The following GRM1 variants were observed in gnomAD, a reference collection of about 807,000 sequenced individuals.
GRM1 encodes the protein glutamate metabotropic receptor 1.
GRM1 carries 33 observed loss-of-function variants against 90.9 expected under a neutral mutation model. The observed-to-expected ratio is 0.36, with a 90% CI of 0.28 to 0.49. The LOEUF (loss-of-function observed/expected upper bound fraction) is 0.49, where lower values mean the gene tolerates loss of function less well. Among genes scored for constraint, GRM1 ranks in the 20% least tolerant of loss-of-function variants. GRM1 has a pLI of 0.99. For synonymous variants in GRM1, 700 were observed against 613.2 expected, an observed-to-expected ratio of 1.14 and a Z score of -2.09; for missense variants, 1,190 against 1,534.3, an observed-to-expected ratio of 0.78 and a Z score of 3.75.
chr6:146,173,985 G>C (rs2128895457), intron 2 of GRM1, among the ~76,000 whole-genome samples: 1 of 152,102 alleles, frequency 6.6e-6, no homozygotes, highest in Admixed American at 6.5e-5. Flanking sequence ...CAGAGTTGTA[G>C]TTTCAGTTAT....
Position 146,262,087 on chromosome 6 carries a change from A to AAC in GRM1, c.951-42523_951-42522insCA, listed in dbSNP as rs1488846023. 4.1e-4 allele frequency among the ~76,000 whole-genome samples: 62 copies of AAC among 151,022 alleles called. 1 individual carries two copies. The highest frequency in any genetic ancestry group is 1.4e-3 in the African/African-American group (59 of 41,300). ...AAAATTCTAGTAGAAAACAAAACAA[A>AAC]AAAAAAAAAAAGAAGGAAAAGACAC... On this transcript the variant is annotated intron_variant, in intron 2 of 7. Coordinates refer to ENST00000282753, the MANE Select transcript of GRM1 (RefSeq NM_001278064.2).
At chr6:146,340,296 C>G (rs797007238) in intron 3 of GRM1, 9 of 152,296 alleles carry the variant, frequency 5.9e-5, no homozygotes, top group African/African-American at 2.2e-4. Context: ...ATTAATACAC[C>G]TATCTTGGTA....
intron 1 of GRM1, among the ~76,000 whole-genome samples, chr6:146,082,278 C>T (rs986312418): frequency 3.3e-5 from 5 of 152,222 alleles, no homozygotes; most frequent in South Asian, 2.1e-4. Flanking sequence ...ATCTCAGCCT[C>T]CCATGTGGCT....
chr6:146,102,244 A>G (rs1449762873), intron 1 of GRM1, among the ~76,000 whole-genome samples: 2 of 152,104 alleles, frequency 1.3e-5, no homozygotes, highest in African/African-American at 4.8e-5. Flanking sequence ...ATCCTTGCTT[A>G]TATGATATCC....
intron 7 of GRM1, among the ~76,000 whole-genome samples, chr6:146,419,632 A>G (rs1382355915): frequency 6.6e-6 from 1 of 152,188 alleles, no homozygotes; most frequent in African/African-American, 2.4e-5. Flanking sequence ...GCTTAACAGG[A>G]ATCACGACTG....
chr6:146,115,890 TA>T (rs376689593), intron 1 of GRM1, among the ~76,000 whole-genome samples: 284 of 152,360 alleles, frequency 1.9e-3, no homozygotes, highest in South Asian at 7.5e-3. Context: ...CTTTGATATT[TA>T]ATGATTGATC....
intron 2 of GRM1, among the ~76,000 whole-genome samples, chr6:146,213,175 A>G (rs1282901651): frequency 2.0e-5 from 3 of 152,150 alleles, no homozygotes; most frequent in Non-Finnish European, 4.4e-5. Context: ...TGGAAAGGGC[A>G]GGAGGAGAGG....
chr6:146,379,930 GTCTCTC>G (rs56732675), intron 5 of GRM1, among the ~76,000 whole-genome samples: 5,808 of 147,508 alleles, frequency 0.039, 339 homozygotes, highest in African/African-American at 0.13. Flanking sequence ...TACAGAGTCT[GTCTCTC>G]TCTCTCTCTC....
intron 1 of GRM1, among the ~76,000 whole-genome samples, chr6:146,036,235 G>T (rs1366203497): frequency 6.6e-6 from 1 of 151,848 alleles, no homozygotes; most frequent in East Asian, 1.9e-4. Flanking sequence ...GAACACAGAG[G>T]GCTGGGGAAC....
intron 2 of GRM1, among the ~76,000 whole-genome samples, chr6:146,172,839 A>G (rs1778187855): frequency 6.6e-6 from 1 of 152,236 alleles, no homozygotes; most frequent in African/African-American, 2.4e-5. Context: ...AAAAATTGAA[A>G]AATGTATAAC....
intron 1 of GRM1, among the ~76,000 whole-genome samples, chr6:146,136,992 A>G (rs1375988972): frequency 2.6e-5 from 4 of 150,978 alleles, no homozygotes; most frequent in Non-Finnish European, 5.9e-5. Flanking sequence ...AGCTGGTATT[A>G]CAGGCATGCA....
At chr6:146,038,776 A>T (rs1790986395) in intron 1 of GRM1, among the ~76,000 whole-genome samples, 1 of 151,962 alleles carries the variant, frequency 6.6e-6, no homozygotes, top group South Asian at 2.1e-4. Context: ...GTGGTGCTAT[A>T]ACACATTTTA....
At chr6:146,344,341 A>T (rs954778392) in intron 3 of GRM1, among the ~76,000 whole-genome samples, 3 of 152,220 alleles carry the variant, frequency 2.0e-5, no homozygotes, top group African/African-American at 7.2e-5. Context: ...GATTTCGCTC[A>T]GACTGTGACC....
intron 2 of GRM1, among the ~76,000 whole-genome samples, chr6:146,178,843 A>G (rs1298270103): frequency 6.6e-6 from 1 of 152,180 alleles, no homozygotes; most frequent in Non-Finnish European, 1.5e-5. Context: ...TGTACTGTTC[A>G]TTATGTACAT....
At chr6:146,249,721 C>G (rs760862398) in intron 2 of GRM1, among the ~76,000 whole-genome samples, 1 of 152,114 alleles carries the variant, frequency 6.6e-6, no homozygotes, top group African/African-American at 2.4e-5. Context: ...CCTAGTGGAG[C>G]TGTGAGAAGA....
chr6:146,149,870 C>G (rs1777257586), intron 1 of GRM1, among the ~76,000 whole-genome samples: 1 of 152,102 alleles, frequency 6.6e-6, no homozygotes, highest in African/African-American at 2.4e-5. Flanking sequence ...TTGTAAGATT[C>G]TTTTGTTCTC....
At chr6:146,156,260 G>T (rs1370142466) in intron 1 of GRM1, among the ~76,000 whole-genome samples, 1 of 152,114 alleles carries the variant, frequency 6.6e-6, no homozygotes, top group Admixed American at 6.6e-5. Context: ...ACAAAAATTA[G>T]CCAGGTGTGG....
chr6:146,131,668 T>C (rs1776402251), intron 1 of GRM1, among the ~76,000 whole-genome samples: 1 of 152,084 alleles, frequency 6.6e-6, no homozygotes, highest in Admixed American at 6.6e-5. Context: ...GAGAGTGAAT[T>C]TATTCATTTA....
chr6:146,060,965 C>T (rs1477808376), intron 1 of GRM1, among the ~76,000 whole-genome samples: 1 of 152,046 alleles, frequency 6.6e-6, no homozygotes, highest in Non-Finnish European at 1.5e-5. Context: ...GATGGTATCT[C>T]ATTGTGGTTT....
Sources: allele counts gnomAD v4.1 joint callset (sites outside exome capture counted in the v4.1 genomes callset), GRCh38; gene constraint gnomAD v4.1.1; transcripts MANE v1.5; gene names NCBI Gene and HGNC (gene_info 2026-07-23, HGNC 2026-07-21).